Variants in JMJD1C observed in about 807,000 individuals in gnomAD.
JMJD1C encodes jumonji domain-containing protein 1C.
In JMJD1C, 31 loss-of-function variants were observed where a neutral mutation model predicts 245.3. The ratio of observed to expected loss-of-function variants is 0.13; its 90% CI spans 0.09 to 0.17. The LOEUF (loss-of-function observed/expected upper bound fraction) is 0.17, where lower values mean the gene tolerates loss of function less well. Ranked by LOEUF, JMJD1C falls within the 10% of genes least tolerant of loss-of-function variation. JMJD1C has a pLI of 1.00. For synonymous variants in JMJD1C, 1,057 were observed against 1,017.4 expected, an observed-to-expected ratio of 1.04 and a Z score of -0.74; for missense variants, 2,691 against 3,000.2, an observed-to-expected ratio of 0.90 and a Z score of 2.41.
chr10:63,217,180 T>C (rs376324809), intron 5 of JMJD1C, 27 bp downstream of exon 5: 5 of 1,588,232 alleles, frequency 3.1e-6, no homozygotes, highest in African/African-American at 2.7e-5. Flanking sequence ...TTAAAATCTC[T>C]ATAAAAATAT....
intron 2 of JMJD1C, among the ~76,000 whole-genome samples, chr10:63,315,100 C>T (rs1337096259): frequency 2.0e-5 from 3 of 152,016 alleles, no homozygotes; most frequent in Admixed American, 6.6e-5. Flanking sequence ...ATTACAGGTG[C>T]GTGCCACCAC....
chr10:63,287,594 T>C (rs1474333282), intron 2 of JMJD1C, among the ~76,000 whole-genome samples: 1 of 152,232 alleles, frequency 6.6e-6, no homozygotes, highest in Admixed American at 6.5e-5. Flanking sequence ...TTCATTATAC[T>C]TTAATATACA....
At chr10:63,202,114 C>T (rs984088072) in intron 10 of JMJD1C, among the ~76,000 whole-genome samples, 6 of 151,824 alleles carry the variant, frequency 4.0e-5, no homozygotes, top group South Asian at 2.1e-4. Flanking sequence ...ATTAGCCAGG[C>T]GCGGTAGCAC....
chr10:63,255,673 T>C (rs971172311), intron 3 of JMJD1C, among the ~76,000 whole-genome samples: 2 of 151,918 alleles, frequency 1.3e-5, no homozygotes, highest in Non-Finnish European at 2.9e-5. Flanking sequence ...ATCTGTAAGT[T>C]AGACTTCTCA....
At chr10:63,264,160 T>C (rs984928233) in intron 3 of JMJD1C, among the ~76,000 whole-genome samples, 3 of 152,008 alleles carry the variant, frequency 2.0e-5, no homozygotes, top group African/African-American at 7.2e-5. Context: ...TGTATTTGTA[T>C]TTAAATTGCA....
chr10:63,413,260 T>C (rs1177742229), intron 1 of JMJD1C, among the ~76,000 whole-genome samples: 1 of 152,204 alleles, frequency 6.6e-6, no homozygotes, highest in African/African-American at 2.4e-5. Context: ...ATTATTTTGA[T>C]GAGACAGAAC....
chr10:63,364,837 G>A (rs1427366532), intron 2 of JMJD1C, among the ~76,000 whole-genome samples: 1 of 152,088 alleles, frequency 6.6e-6, no homozygotes, highest in Non-Finnish European at 1.5e-5. Flanking sequence ...TCAAACAAAG[G>A]GATGAATTAC....
chr10:63,323,506 C>T (rs1047890626), intron 2 of JMJD1C, among the ~76,000 whole-genome samples: 1 of 152,018 alleles, frequency 6.6e-6, no homozygotes, highest in African/African-American at 2.4e-5. Context: ...GGTGACAGAG[C>T]AAGACTGTTT....
chr10:63,393,312 G>A (rs926347289), intron 1 of JMJD1C, among the ~76,000 whole-genome samples: 1 of 152,070 alleles, frequency 6.6e-6, no homozygotes, highest in Non-Finnish European at 1.5e-5. Flanking sequence ...TGAATCATCA[G>A]GGAAATGTAT....
rs186300378 is a variant in JMJD1C, at chr10:63,291,630, C to A, written c.334-26866G>T. On this transcript the variant is annotated intron_variant, in intron 2 of 25. Transcript: ENST00000399262. The stretch of plus-strand genomic sequence containing the variant: ...AACTCCATCTAAAAAAAAAAAAAAA[C>A]CGGAAAGAAACGGCTTTGCTAAGTT... Among the ~76,000 whole-genome samples, 910 of 118,506 alleles carry A rather than the reference C, an allele frequency of 7.7e-3. 3 individuals carry two copies. Among genetic ancestry groups the A allele is most frequent in the Non-Finnish European group, 0.012 (680 of 55,286 alleles). 77.7% of individuals were successfully genotyped at this position (118,506 alleles called of 152,430 possible). A position where few individuals can be genotyped will look rare whatever the true frequency, so the allele number is the denominator to read the frequency against.
chr10:63,327,072 AG>A (rs1191793437), intron 2 of JMJD1C, among the ~76,000 whole-genome samples: 1 of 152,112 alleles, frequency 6.6e-6, no homozygotes, highest in Non-Finnish European at 1.5e-5. Flanking sequence ...CTGTAGTCCC[AG>A]CTACCGAGGA....
intron 1 of JMJD1C, among the ~76,000 whole-genome samples, chr10:63,400,382 T>TA (rs1948775598): frequency 6.6e-6 from 1 of 152,144 alleles, no homozygotes; most frequent in South Asian, 2.1e-4. Context: ...TCCTCTCCTC[T>TA]AGAGTCTCAC....
Position 63,219,945 on chromosome 10 carries a change from G to A in JMJD1C, c.486C>T (p.Asn162=), listed in dbSNP as rs751596943. ...CTTTCACTTCCTCATGAAGCTGCGG[G>A]TTGTCCCTGAGAACTGGGTTTAGGC... ...IDSLNPVLRD[N]PQLHEEVKVW... Residue 162 remains asparagine, a synonymous_variant, in exon 4 of 26, where the codon AAC becomes AAT. Coordinates refer to ENST00000399262, the MANE Select transcript of JMJD1C (RefSeq NM_032776.3). The A allele has an allele frequency of 2.5e-6, 4 of 1,613,510 alleles. No homozygotes were observed. The East Asian group carries it at 6.7e-5, about 27-fold the overall frequency.
chr10:63,168,170 T>C (rs1168053473), intron 25 of JMJD1C, 36 bp from the exon 26 acceptor site: 3 of 1,380,162 alleles, frequency 2.2e-6, no homozygotes, highest in Non-Finnish European at 3.1e-6. Context: ...TCACTTCAGT[T>C]CGACAGAAAT....
intron 1 of JMJD1C, among the ~76,000 whole-genome samples, chr10:63,491,840 T>C (rs1954188057): frequency 6.6e-6 from 1 of 152,204 alleles, no homozygotes; most frequent in Non-Finnish European, 1.5e-5. Context: ...TTGAATCAGA[T>C]AGCTACTACA....
chr10:63,272,607 G>C (rs192597121), intron 2 of JMJD1C, among the ~76,000 whole-genome samples: 5 of 152,028 alleles, frequency 3.3e-5, no homozygotes, highest in Non-Finnish European at 5.9e-5. Flanking sequence ...ATATTAAATC[G>C]CATATAACCA....
At chr10:63,247,059 G>GT (rs1414091026) in intron 3 of JMJD1C, among the ~76,000 whole-genome samples, 1 of 142,918 alleles carries the variant, frequency 7.0e-6, no homozygotes, top group Non-Finnish European at 1.5e-5. Flanking sequence ...AAAATTAGTA[G>GT]TAAGAGGGAC....
At chr10:63,502,044 A>C (rs1039814443) in intron 1 of JMJD1C, among the ~76,000 whole-genome samples, 4 of 152,240 alleles carry the variant, frequency 2.6e-5, no homozygotes, top group African/African-American at 4.8e-5. Context: ...GTGTTGAAAT[A>C]ATATGCCAAA....
chr10:63,281,889 A>T (rs1011192616), intron 2 of JMJD1C, among the ~76,000 whole-genome samples: 1 of 152,114 alleles, frequency 6.6e-6, no homozygotes, highest in Non-Finnish European at 1.5e-5. Context: ...TACTCATAAA[A>T]ATCACAGGAG....
Sources: allele counts gnomAD v4.1 joint callset (sites outside exome capture counted in the v4.1 genomes callset), GRCh38; gene constraint gnomAD v4.1.1; transcripts MANE v1.5; gene names NCBI Gene and HGNC (gene_info 2026-07-23, HGNC 2026-07-21).